The following SRCIN1 variants were observed in gnomAD, a reference collection of about 807,000 sequenced individuals.
SRCIN1 encodes SRC kinase signaling inhibitor 1.
Under a neutral mutation model 116.2 loss-of-function variants are expected in SRCIN1, and 50 were observed. That is an observed-to-expected ratio of 0.43 (90% CI 0.34 to 0.54). The LOEUF is 0.54. Among genes scored for constraint, SRCIN1 ranks in the 20% least tolerant of loss-of-function variants. SRCIN1 has a pLI of 0.02. For missense variants in SRCIN1, 1,446 were observed against 1,672.0 expected, an observed-to-expected ratio of 0.86 and a Z score of 2.36; for synonymous variants, 736 against 750.0, an observed-to-expected ratio of 0.98 and a Z score of 0.30.
rs1222437614 is a variant in SRCIN1 at position 38,531,388 on chromosome 17, TTC to T, written c.*1907_*1908del. The T allele has an allele frequency of 6.7e-6, 1 of 148,774 alleles. No homozygotes were observed. Among genetic ancestry groups the T allele is most frequent in the African/African-American group, 2.4e-5 (1 of 40,894 alleles). The allele number at this position is 148,774 out of a possible 1,614,324, so 9.2% of individuals were successfully genotyped here. On this transcript the variant is annotated 3_prime_UTR_variant, in exon 19 of 19. Coordinates refer to ENST00000617146, the MANE Select transcript of SRCIN1 (RefSeq NM_025248.3). ...AGTGGCCAGGGAGAGTGCCGTGGTTTTCTTTTTTTTTTCTTTTTTAAATATTT... is the reference window on the plus strand; with the variant it reads ...AGTGGCCAGGGAGAGTGCCGTGGTTTTTTTTTTTTTCTTTTTTAAATATTT...
intron 2 of SRCIN1, among the ~76,000 whole-genome samples, chr17:38,573,029 C>A (rs1907200123): frequency 6.6e-6 from 1 of 152,086 alleles, no homozygotes; most frequent in South Asian, 2.1e-4. Context: ...GCCTGGCGCC[C>A]GGGACTCGGG....
At chr17:38,600,506 C>G (rs1490147443) in intron 1 of SRCIN1, among the ~76,000 whole-genome samples, 2 of 152,210 alleles carry the variant, frequency 1.3e-5, no homozygotes, top group African/African-American at 4.8e-5. Context: ...ATCTCTGAGG[C>G]CCAGGTTTCA....
At chr17:38,553,594 T>C (rs964779969) in intron 11 of SRCIN1, among the ~76,000 whole-genome samples, 1 of 152,100 alleles carries the variant, frequency 6.6e-6, no homozygotes, top group Non-Finnish European at 1.5e-5. Context: ...ACAGCCTCTT[T>C]CCTGAGGGCC....
rs1263721740 is a variant in SRCIN1, at chr17:38,561,723, G to C, written c.1440C>G (p.Asp480Glu). Residue 480 changes from aspartate (D) to glutamate (E), a missense_variant, in exon 7 of 19, where the codon GAC becomes GAG. Physicochemically the swap from Asp to Glu is conservative, Grantham distance 45. Coordinates refer to ENST00000617146, the MANE Select transcript of SRCIN1 (RefSeq NM_025248.3). Reference sequence around the variant, plus strand: ...GGGGACCTCCGGGGGGTGCTGCCACGTCGGCCAGCTTCTGCGGTGACGAAG... The same window carrying C: ...GGGGACCTCCGGGGGGTGCTGCCACCTCGGCCAGCTTCTGCGGTGACGAAG... ...LPPSSPQKLA[D>E]VAAPPGGPPP... The C allele has an allele frequency of 1.3e-6, 2 of 1,527,384 alleles. No individual in the cohort carries two copies. Among genetic ancestry groups the C allele is most frequent in the Non-Finnish European group, 1.7e-6 (2 of 1,143,334 alleles). 94.6% of individuals were successfully genotyped at this position (1,527,384 alleles called of 1,614,324 possible). A position where few individuals can be genotyped will look rare whatever the true frequency, so the allele number is the denominator to read the frequency against.
At chr17:38,565,423 C>A (rs543349376) in intron 3 of SRCIN1, among the ~76,000 whole-genome samples, 6 of 152,190 alleles carry the variant, frequency 3.9e-5, no homozygotes, top group Admixed American at 6.5e-5. Context: ...TTTTGTAAAA[C>A]AAATTGTCTA....
chr17:38,576,071 T>C (rs1474195135), intron 2 of SRCIN1, among the ~76,000 whole-genome samples: 2 of 152,188 alleles, frequency 1.3e-5, no homozygotes, highest in Non-Finnish European at 2.9e-5. Context: ...TTCCAAACTC[T>C]GTGCTGGTGA....
chr17:38,562,751 G>A lies in SRCIN1; in HGVS notation c.834+76C>T, dbSNP rs996582142. ...TCCAAAGCTGGCCCTGGTTCCAGAT[G>A]ACAACTGCCCAGACCCTGCTCCCCT... On this transcript the variant is annotated intron_variant, in intron 6 of 18. Coordinates refer to ENST00000617146, the MANE Select transcript of SRCIN1 (RefSeq NM_025248.3). This position sits in a 1 kb window ranked among gnomAD's most constrained non-coding sequence, Gnocchi z 4.2. 45 of 1,337,064 alleles carry A rather than the reference G, an allele frequency of 3.4e-5. No homozygotes were observed. The South Asian group carries it at 5.5e-4, about 16-fold the overall frequency. The allele number at this position is 1,337,064 out of a possible 1,614,324, so 82.8% of individuals were successfully genotyped here.
At chr17:38,561,312 G>T in intron 7 of SRCIN1, 151 bp downstream of exon 7, 1 of 928,288 alleles carries the variant, frequency 1.1e-6, no homozygotes, top group Non-Finnish European at 1.5e-6. Context: ...CATCCAAGAT[G>T]CTCTCTGGCG....
intron 18 of SRCIN1, among the ~76,000 whole-genome samples, chr17:38,534,829 A>G (rs993703109): frequency 1.3e-5 from 2 of 152,052 alleles, no homozygotes; most frequent in African/African-American, 4.8e-5. Flanking sequence ...TTTCCCTTTT[A>G]TGAGAATCAA....
In SRCIN1 at chr17:38,558,308, G is replaced by A. The variant is rs1215598877; in HGVS notation, c.2120C>T (p.Pro707Leu). 1.2e-6 allele frequency: 2 copies of A among 1,611,324 alleles called. No individual in the cohort carries two copies. Among genetic ancestry groups the A allele is most frequent in the Non-Finnish European group, 1.7e-6 (2 of 1,179,614 alleles). ...VSEAARRQED[P>L]LQRQRTLVEE... ...CACCAGGGTGCGCTGCCGCTGCAGC[G>A]GGTCCTCCTGCCGCCGCGCCGCCTC... is the stretch of plus-strand genomic sequence containing the variant. The change falls in exon 11 of 19, where the codon CCG becomes CTG. Residue 707 changes from proline to leucine, a missense_variant. By Grantham distance (98) the Pro-to-Leu change is moderately conservative. This residue lies in a region of SRCIN1 where 398 missense variants were observed against 385.6 expected (regional missense o/e 1.03). Coordinates refer to ENST00000617146, the MANE Select transcript of SRCIN1 (RefSeq NM_025248.3). This position sits in a 1 kb window ranked among gnomAD's most constrained non-coding sequence, Gnocchi z 4.6.
At position 38,563,182 on chromosome 17, in the gene SRCIN1, C is replaced by T. The variant is rs1220846725; in HGVS notation, c.740+141G>A. 1 of 895,308 alleles carries T rather than the reference C, an allele frequency of 1.1e-6. No homozygotes were observed. The highest frequency in any genetic ancestry group is 1.7e-5 in the South Asian group (1 of 58,066). The allele number at this position is 895,308 out of a possible 1,614,324, so 55.5% of individuals were successfully genotyped here. On this transcript the variant is annotated intron_variant, in intron 5 of 18. Coordinates refer to ENST00000617146, the MANE Select transcript of SRCIN1 (RefSeq NM_025248.3). The surrounding 1 kb of genome is among the most constrained non-coding windows in gnomAD (Gnocchi z 5.8). Reference sequence around the variant, plus strand: ...GGGCTGAGATGGCCGAGGAAGGGGGCGGGGCGGTAGGGCTCTGGGAGGGGA... The same window carrying T: ...GGGCTGAGATGGCCGAGGAAGGGGGTGGGGCGGTAGGGCTCTGGGAGGGGA...
At chr17:38,583,131 G>A (rs1435124214) in intron 1 of SRCIN1, among the ~76,000 whole-genome samples, 4 of 152,132 alleles carry the variant, frequency 2.6e-5, no homozygotes, top group Non-Finnish European at 2.9e-5. Context: ...GTGCAGTGGC[G>A]CGATTATGGC....
At position 38,531,731 on chromosome 17, in the gene SRCIN1, T is replaced by C. The variant is rs1319461914; in HGVS notation, c.*1566A>G. ...AAGAAATGAAGAAACACAACCCGTTTCCCCTCCCCCCAAACCTTCAACAGC... is the reference window on the plus strand; with the variant it reads ...AAGAAATGAAGAAACACAACCCGTTCCCCCTCCCCCCAAACCTTCAACAGC... On this transcript the variant is annotated 3_prime_UTR_variant, in exon 19 of 19. Coordinates refer to ENST00000617146, the MANE Select transcript of SRCIN1 (RefSeq NM_025248.3). 1 of 152,226 alleles carries C rather than the reference T, an allele frequency of 6.6e-6. No homozygotes were observed. The highest frequency in any genetic ancestry group is 1.5e-5 in the Non-Finnish European group (1 of 67,962). The allele number at this position is 152,226 out of a possible 1,614,324, so 9.4% of individuals were successfully genotyped here.
rs2040920708 is a variant in SRCIN1, at chr17:38,531,401, CTTTTT to C, written c.*1891_*1895del. 1 of 121,414 alleles carries C rather than the reference CTTTTT, an allele frequency of 8.2e-6. No individual in the cohort carries two copies. The highest frequency in any genetic ancestry group is 1.8e-5 in the Non-Finnish European group (1 of 56,348). The allele number at this position is 121,414 out of a possible 1,614,324, so 7.5% of individuals were successfully genotyped here. A position where few individuals can be genotyped will look rare whatever the true frequency, so the allele number is the denominator to read the frequency against. Reference sequence around the variant, plus strand: ...AGTGCCGTGGTTTTCTTTTTTTTTTCTTTTTTAAATATTTATATATATTTATATTA... The same window carrying C: ...AGTGCCGTGGTTTTCTTTTTTTTTTCTAAATATTTATATATATTTATATTA... On this transcript the variant is annotated 3_prime_UTR_variant, in exon 19 of 19. Coordinates refer to ENST00000617146, the MANE Select transcript of SRCIN1 (RefSeq NM_025248.3).
At position 38,552,204 on chromosome 17, in the gene SRCIN1, A is replaced by T; in HGVS notation, c.2481-72T>A. 6.6e-7 allele frequency: 1 copy of T among 1,526,500 alleles called. No individual in the cohort carries two copies. Among genetic ancestry groups the T allele is most frequent in the Non-Finnish European group, 8.9e-7 (1 of 1,128,184 alleles). The allele number at this position is 1,526,500 out of a possible 1,614,324, so 94.6% of individuals were successfully genotyped here. ...ACCCTTCTGCAGGAAGGCTGCTCTG[A>T]GGGAGGTGGGGTGGGAGGCAGGCTC... On this transcript the variant is annotated intron_variant, in intron 13 of 18. Transcript: ENST00000617146. This position sits in a 1 kb window ranked among gnomAD's most constrained non-coding sequence, Gnocchi z 5.3.
rs35202404 is a variant in SRCIN1, at chr17:38,601,638, GCACA to G, written c.22+4042_22+4045del. On this transcript the variant is annotated intron_variant, in intron 1 of 18. Coordinates refer to ENST00000617146, the MANE Select transcript of SRCIN1 (RefSeq NM_025248.3). ...GCGCCCTCAACACATACACACACAC[GCACA>G]CACACACACACGCTCGCGCGCACAC... 2.4e-4 allele frequency among the ~76,000 whole-genome samples: 33 copies of G among 137,784 alleles called. No homozygotes were observed. In the East Asian group the frequency reaches 4.0e-3, roughly 17 times the overall value. 90.4% of individuals were successfully genotyped at this position (137,784 alleles called of 152,430 possible).
At position 38,568,461 on chromosome 17, in the gene SRCIN1, C is replaced by G. The variant is rs1270445222; in HGVS notation, c.325-230G>C. ...CTGAGCAGGCGCTACAGCGACTCCT[C>G]GCAGAGTTACTGGTGGGAAAAGGCA... On this transcript the variant is annotated intron_variant, in intron 2 of 18. Coordinates refer to ENST00000617146, the MANE Select transcript of SRCIN1 (RefSeq NM_025248.3). This position sits in a 1 kb window ranked among gnomAD's most constrained non-coding sequence, Gnocchi z 4.5. Among the ~76,000 whole-genome samples the G allele has an allele frequency of 6.6e-6, 1 of 152,182 alleles. No homozygotes were observed. The highest frequency in any genetic ancestry group is 2.4e-5 in the African/African-American group (1 of 41,450).
intron 1 of SRCIN1, among the ~76,000 whole-genome samples, chr17:38,595,030 C>T (rs1022927084): frequency 2.0e-5 from 3 of 152,166 alleles, no homozygotes; most frequent in Non-Finnish European, 4.4e-5. Flanking sequence ...TACAAAACAG[C>T]TTCCAGCAGG....
At chr17:38,555,009 G>A (rs1312776809) in intron 11 of SRCIN1, among the ~76,000 whole-genome samples, 1 of 152,124 alleles carries the variant, frequency 6.6e-6, no homozygotes, top group Non-Finnish European at 1.5e-5. Flanking sequence ...TGAAGTCAAG[G>A]GCAAAAGCTT....
Sources: gnomAD v4.1 joint callset for allele counts (sites outside exome capture counted in the v4.1 genomes callset) on GRCh38, gnomAD v4.1.1 for gene constraint, gnomAD v4.1.1 regional missense constraint, Gnocchi (gnomAD v3.1) non-coding constraint, MANE v1.5 for transcripts, NCBI Gene and HGNC (gene_info 2026-07-23, HGNC 2026-07-21) for gene names.